The following CNTNAP2 variants were observed in gnomAD, a reference collection of about 807,000 sequenced individuals.
CNTNAP2 encodes the protein contactin associated protein 2.
In CNTNAP2, 98 loss-of-function variants were observed where a neutral mutation model predicts 155.2. That is an observed-to-expected ratio of 0.63 (90% CI 0.54 to 0.75). CNTNAP2 has a LOEUF of 0.75. Ranked by LOEUF, CNTNAP2 falls within the 30% of genes least tolerant of loss-of-function variation. CNTNAP2 has a pLI of 0.00. For missense variants in CNTNAP2, 1,727 were observed against 1,688.1 expected, an observed-to-expected ratio of 1.02 and a Z score of -0.40; for synonymous variants, 651 against 631.2, an observed-to-expected ratio of 1.03 and a Z score of -0.47.
At chr7:146,779,851 GCGGT>G (rs1346638756) in intron 2 of CNTNAP2, among the ~76,000 whole-genome samples, 2 of 152,294 alleles carry the variant, frequency 1.3e-5, no homozygotes, top group East Asian at 3.9e-4. Context: ...CATTGCACTT[GCGGT>G]CACATAATTA....
intron 18 of CNTNAP2, among the ~76,000 whole-genome samples, chr7:148,172,768 G>A (rs1794846949): frequency 6.6e-6 from 1 of 152,164 alleles, no homozygotes; most frequent in Non-Finnish European, 1.5e-5. Context: ...TTAATGGTGA[G>A]TGATAAAATA....
At chr7:146,823,067 A>G (rs1365102166) in intron 2 of CNTNAP2, among the ~76,000 whole-genome samples, 1 of 92 alleles carries the variant, frequency 0.011, no homozygotes, top group African/African-American at 0.071. Flanking sequence ...AAATATACTC[A>G]TTCTTCAGCA....
chr7:147,424,095 G>C (rs944277604), intron 10 of CNTNAP2, among the ~76,000 whole-genome samples: 1 of 152,044 alleles, frequency 6.6e-6, no homozygotes, highest in Non-Finnish European at 1.5e-5. Context: ...ACCTTCAGTG[G>C]GACCCTGGTG....
At chr7:147,345,091 T>A (rs1466190213) in intron 9 of CNTNAP2, among the ~76,000 whole-genome samples, 1 of 152,162 alleles carries the variant, frequency 6.6e-6, no homozygotes, top group East Asian at 1.9e-4. Flanking sequence ...TGCCATGGGT[T>A]TATGAGCCAG....
intron 10 of CNTNAP2, among the ~76,000 whole-genome samples, chr7:147,483,499 C>G (rs532587225): frequency 9.9e-5 from 15 of 152,226 alleles, no homozygotes; most frequent in African/African-American, 3.4e-4. Context: ...AGATGATTTT[C>G]TACTCTGCCC....
chr7:147,650,483 C>T (rs1230275252), intron 13 of CNTNAP2, among the ~76,000 whole-genome samples: 2 of 152,156 alleles, frequency 1.3e-5, no homozygotes, highest in African/African-American at 4.8e-5. Flanking sequence ...CCTCCTCAGC[C>T]TACTCAACAT....
At chr7:148,158,309 G>A (rs541019646) in intron 17 of CNTNAP2, among the ~76,000 whole-genome samples, 7 of 134,376 alleles carry the variant, frequency 5.2e-5, no homozygotes, top group South Asian at 2.5e-4. Flanking sequence ...TGCAACCTCC[G>A]CCTCCCGGGT....
chr7:147,192,989 G>C (rs1221111693), intron 8 of CNTNAP2, among the ~76,000 whole-genome samples: 3 of 152,124 alleles, frequency 2.0e-5, no homozygotes, highest in African/African-American at 7.2e-5. Flanking sequence ...TATATCACTA[G>C]ATATCTTGGA....
intron 1 of CNTNAP2, among the ~76,000 whole-genome samples, chr7:146,725,681 T>C (rs1801419072): frequency 6.6e-6 from 1 of 152,150 alleles, no homozygotes; most frequent in South Asian, 2.1e-4. Context: ...TCAGGTTTTT[T>C]TGCATGCACA....
intron 1 of CNTNAP2, among the ~76,000 whole-genome samples, chr7:146,667,910 C>T (rs966282110): frequency 5.3e-5 from 8 of 152,010 alleles, no homozygotes; most frequent in Non-Finnish European, 1.0e-4. Context: ...AGGATCATGT[C>T]ATCTGCAGAC....
intron 14 of CNTNAP2, among the ~76,000 whole-genome samples, chr7:147,954,338 C>T (rs893051700): frequency 1.3e-5 from 2 of 151,952 alleles, no homozygotes; most frequent in Non-Finnish European, 2.9e-5. Flanking sequence ...GGAAGCAGCT[C>T]ACAAGTGACC....
At chr7:148,137,727 A>AGGAAGGAAGGAG (rs1804988945) in intron 16 of CNTNAP2, among the ~76,000 whole-genome samples, 1 of 138,922 alleles carries the variant, frequency 7.2e-6, no homozygotes, top group Admixed American at 7.1e-5. Flanking sequence ...GAAGGAAGGA[A>AGGAAGGAAGGAG]GGAAGGAAGG....
At chr7:147,116,394 G>A (rs1333348463) in intron 5 of CNTNAP2, among the ~76,000 whole-genome samples, 2 of 152,170 alleles carry the variant, frequency 1.3e-5, no homozygotes, top group African/African-American at 4.8e-5. Context: ...ATCGGTTTGG[G>A]CTCTCCAAGG....
In CNTNAP2 at chr7:146,902,019, G is replaced by A. The variant is rs562103117; in HGVS notation, c.402+62115G>A. Among the ~76,000 whole-genome samples the A allele has an allele frequency of 9.2e-5, 14 of 151,906 alleles. No homozygotes were observed. The Middle Eastern group carries it at 0.01, about 111-fold the overall frequency. On this transcript the variant is annotated intron_variant, in intron 3 of 23. Coordinates refer to ENST00000361727, the MANE Select transcript of CNTNAP2 (RefSeq NM_014141.6). ...GCCTCCCGCATAGTTGGGACTACAG[G>A]CGCCTGCCACCTCGCCCGGCTAATT...
At chr7:147,826,167 G>C (rs1584976265) in intron 13 of CNTNAP2, among the ~76,000 whole-genome samples, 1 of 152,288 alleles carries the variant, frequency 6.6e-6, no homozygotes, top group East Asian at 1.9e-4. Flanking sequence ...GATGAGTTTA[G>C]AGAAAGACTG....
chr7:146,550,236 G>A (rs1255257699), intron 1 of CNTNAP2, among the ~76,000 whole-genome samples: 2 of 151,704 alleles, frequency 1.3e-5, no homozygotes, highest in African/African-American at 2.4e-5. Flanking sequence ...AAGGGTCACC[G>A]ATCTGCAACC....
At chr7:148,024,663 G>A (rs1430167096) in intron 15 of CNTNAP2, among the ~76,000 whole-genome samples, 1 of 152,114 alleles carries the variant, frequency 6.6e-6, no homozygotes, top group Non-Finnish European at 1.5e-5. Flanking sequence ...CCCCAAAACA[G>A]ACACTATAAC....
chr7:148,217,870 A>G (rs987614211), intron 19 of CNTNAP2, among the ~76,000 whole-genome samples: 9 of 152,254 alleles, frequency 5.9e-5, no homozygotes, highest in Non-Finnish European at 1.0e-4. Context: ...CACGCCTGTA[A>G]TCCCAGCACT....
chr7:146,341,868 G>A (rs1203759017), intron 1 of CNTNAP2, among the ~76,000 whole-genome samples: 1 of 152,098 alleles, frequency 6.6e-6, no homozygotes, highest in Non-Finnish European at 1.5e-5. Flanking sequence ...AGCATCTTTT[G>A]GGGTAGGTTT....
Sources: gnomAD v4.1 joint callset for allele counts (sites outside exome capture counted in the v4.1 genomes callset) on GRCh38, gnomAD v4.1.1 for gene constraint, MANE v1.5 for transcripts, NCBI Gene and HGNC (gene_info 2026-07-23, HGNC 2026-07-21) for gene names.